Variants in ZBTB1 observed in about 807,000 individuals in gnomAD.
The protein encoded by ZBTB1 is zinc finger and BTB domain containing 1.
A neutral mutation model predicts 51.6 loss-of-function variants in ZBTB1; 13 were observed. That is an observed-to-expected ratio of 0.25 (90% CI 0.16 to 0.40). The LOEUF (loss-of-function observed/expected upper bound fraction) is 0.40, where lower values mean the gene tolerates loss of function less well. Among genes scored for constraint, ZBTB1 ranks in the 10% least tolerant of loss-of-function variants. The probability of loss-of-function intolerance (pLI) is 1.00; values close to 1 mark genes in which losing one functional copy is unlikely to be tolerated. For missense variants in ZBTB1, 567 were observed against 856.5 expected (o/e 0.66, Z 4.22); for synonymous variants, 240 against 282.2 (o/e 0.85, Z 1.50).
At position 64,504,963 on chromosome 14, in the gene ZBTB1, T is replaced by G; in HGVS notation, c.-19+17T>G. On this transcript the variant is annotated intron_variant, in intron 1 of 1. Transcript: ENST00000683701. ...TTGCGGCCGGTAAGTATTTGCCAGT[T>G]GTGGGGCTATTTGCGCAACTTTGGC... 1 of 394,748 alleles carries G rather than the reference T, an allele frequency of 2.5e-6. No individual in the cohort carries two copies. 24.5% of individuals were successfully genotyped at this position (394,748 alleles called of 1,614,324 possible). A position where few individuals can be genotyped will look rare whatever the true frequency, so the allele number is the denominator to read the frequency against.
chr14:64,506,542 A>AAACAAC (rs369840249), intron 1 of ZBTB1, among the ~76,000 whole-genome samples: 3 of 152,186 alleles, frequency 2.0e-5, no homozygotes, highest in African/African-American at 7.2e-5. Context: ...TCAAAAAAAC[A>AAACAAC]AACAACAACA....
downstream of ZBTB1, among the ~76,000 whole-genome samples, chr14:64,527,087 T>C (rs1159449924): frequency 6.6e-6 from 1 of 151,120 alleles, no homozygotes; most frequent in Non-Finnish European, 1.5e-5. Context: ...AAATGGTATA[T>C]GGCAAACTAA....
At chr14:64,527,010 C>T (rs1055507366), downstream of ZBTB1, among the ~76,000 whole-genome samples, 2 of 152,084 alleles carry the variant, frequency 1.3e-5, no homozygotes, top group Non-Finnish European at 2.9e-5. Flanking sequence ...CATGCCATTA[C>T]ACTCCAGCCT....
Position 64,523,080 on chromosome 14 carries a change from T to C in ZBTB1, c.1576T>C (p.Leu526=). 1 of 1,614,176 alleles carries C rather than the reference T, an allele frequency of 6.2e-7. No individual in the cohort carries two copies. Among genetic ancestry groups the C allele is most frequent in the Non-Finnish European group, 8.5e-7 (1 of 1,180,020 alleles). ...GATAAACAGTATCCAAAAAAAGCAG[T>C]TATTTAAACATTCTGCCTGCCCTTT... ...YQINSIQKKQ[L]FKHSACPFRC... Residue 526 remains leucine, a synonymous_variant, in exon 2 of 2, where the codon TTA becomes CTA. Transcript: ENST00000683701. The surrounding 1 kb of genome is among the most constrained non-coding windows in gnomAD (Gnocchi z 4.5).
intron 1 of ZBTB1, 161 bp downstream of exon 1, chr14:64,505,107 C>T (rs932056699): frequency 5.7e-6 from 2 of 350,048 alleles, no homozygotes; most frequent in Admixed American, 9.5e-5. Flanking sequence ...CGGGCGGCTG[C>T]CAGGCCGCCT....
exon 3 of ZBTB1, chr14:64,532,624 A>T (rs1481267590): frequency 1.3e-5 from 2 of 152,164 alleles, no homozygotes; most frequent in Non-Finnish European, 2.9e-5. Context: ...TCCACAAATC[A>T]GACACATTAT....
chr14:64,514,252 C>A (rs932163148), intron 1 of ZBTB1: 1 of 152,192 alleles, frequency 6.6e-6, no homozygotes, highest in Non-Finnish European at 1.5e-5. Flanking sequence ...ATACATAAAT[C>A]TTCCTTGAGA....
intron 1 of ZBTB1, among the ~76,000 whole-genome samples, chr14:64,508,291 A>C (rs978386725): frequency 1.3e-5 from 2 of 152,184 alleles, no homozygotes; most frequent in African/African-American, 4.8e-5. Flanking sequence ...TCTATATGAG[A>C]TGCATGCAGT....
At chr14:64,525,995 T>C (rs1362536914), downstream of ZBTB1, among the ~76,000 whole-genome samples, 2 of 152,082 alleles carry the variant, frequency 1.3e-5, no homozygotes, top group Non-Finnish European at 2.9e-5. Flanking sequence ...AATTTTTGTA[T>C]TTTTAGTGGA....
rs930879293 is a variant in ZBTB1, at chr14:64,504,923, C to T, written c.-42C>T. 3.3e-5 allele frequency: 13 copies of T among 395,858 alleles called. No individual in the cohort carries two copies. The highest frequency in any genetic ancestry group is 1.3e-4 in the South Asian group (1 of 7,844). 24.5% of individuals were successfully genotyped at this position (395,858 alleles called of 1,614,324 possible). ...TGCCTTAAACTCCCTAAAATCTCCGCAGCTCTGGTTCCTGTTGCGGCCGGT... is the reference window on the plus strand; with the variant it reads ...TGCCTTAAACTCCCTAAAATCTCCGTAGCTCTGGTTCCTGTTGCGGCCGGT... On this transcript the variant is annotated 5_prime_UTR_variant, in exon 1 of 2. Coordinates refer to ENST00000683701, the MANE Select transcript of ZBTB1 (RefSeq NM_001123329.2).
At chr14:64,519,025 T>C (rs1055400248) in intron 1 of ZBTB1, among the ~76,000 whole-genome samples, 7 of 149,950 alleles carry the variant, frequency 4.7e-5, no homozygotes, top group Non-Finnish European at 7.4e-5. Context: ...ACTATGTACA[T>C]GTGCATCTCA....
chr14:64,531,923 G>T (rs371025610), exon 3 of ZBTB1: 944 of 1,612,954 alleles, frequency 5.9e-4, no homozygotes, highest in Non-Finnish European at 7.8e-4. Context: ...AGAGGACATG[G>T]GGAAGAATCA....
At chr14:64,518,664 G>A (rs1461413323) in intron 1 of ZBTB1, 1 of 152,004 alleles carries the variant, frequency 6.6e-6, no homozygotes, top group Non-Finnish European at 1.5e-5. Flanking sequence ...TTTAAGTTCA[G>A]TCAAATTGCA....
At position 64,522,400 on chromosome 14, in the gene ZBTB1, C is replaced by T; in HGVS notation, c.896C>T (p.Thr299Ile). ...GCTGCTGATGATTCAGCTTCAACCA[C>T]TGGAAGCAGAAAAAGTAGCACAGTG... ...SQAADDSAST[T>I]GSRKSSTVES... The change falls in exon 2 of 2, where the codon ACT becomes ATT. Residue 299 changes from threonine to isoleucine, a missense_variant. Around this residue, in one of 5 missense-constraint regions of ZBTB1, gnomAD observed 329 missense variants for 406.3 expected, o/e 0.81. Coordinates refer to ENST00000683701, the MANE Select transcript of ZBTB1 (RefSeq NM_001123329.2). The T allele has an allele frequency of 6.2e-7, 1 of 1,614,070 alleles. No homozygotes were observed. Among genetic ancestry groups the T allele is most frequent in the East Asian group, 2.2e-5 (1 of 44,888 alleles).
chr14:64,518,904 G>GTATATATATA (rs71123855), intron 1 of ZBTB1, among the ~76,000 whole-genome samples: 1,265 of 95,014 alleles, frequency 0.013, 51 homozygotes, highest in East Asian at 0.039. Context: ...TTGCAGAGAG[G>GTATATATATA]TATATATATA....
intron 1 of ZBTB1, among the ~76,000 whole-genome samples, chr14:64,517,608 T>C (rs1005674563): frequency 2.0e-5 from 3 of 151,602 alleles, no homozygotes; most frequent in Non-Finnish European, 4.4e-5. Flanking sequence ...TTTTTGTGTA[T>C]TTTTTTCATC....
chr14:64,530,182 G>A (rs1385826546), intron 2 of ZBTB1, among the ~76,000 whole-genome samples: 6 of 152,098 alleles, frequency 3.9e-5, no homozygotes, highest in Admixed American at 2.6e-4. Flanking sequence ...TCTGGCTACC[G>A]TCTGCCAAAT....
At chr14:64,515,245 C>T (rs1165544522) in intron 1 of ZBTB1, among the ~76,000 whole-genome samples, 2 of 152,142 alleles carry the variant, frequency 1.3e-5, no homozygotes, top group African/African-American at 2.4e-5. Flanking sequence ...TGCTCTCAGA[C>T]CTGAGCCCTT....
chr14:64,522,415 G>A lies in ZBTB1; in HGVS notation c.911G>A (p.Ser304Asn). 6.2e-7 allele frequency: 1 copy of A among 1,614,132 alleles called. No homozygotes were observed. Among genetic ancestry groups the A allele is most frequent in the Non-Finnish European group, 8.5e-7 (1 of 1,180,030 alleles). ...DSASTTGSRKSSTVESEIASE... is the reference protein window; with the variant it reads ...DSASTTGSRKNSTVESEIASE... ...GCTTCAACCACTGGAAGCAGAAAAA[G>A]TAGCACAGTGGAGTCTGAAATAGCA... Residue 304 changes from serine to asparagine, a missense_variant, in exon 2 of 2, where the codon AGT (serine) becomes AAT (asparagine). Ser to Asn is a conservative substitution (Grantham distance 46). Transcript: ENST00000683701.
Sources: allele counts gnomAD v4.1 joint callset (sites outside exome capture counted in the v4.1 genomes callset), GRCh38; gene constraint gnomAD v4.1.1; regional missense constraint gnomAD v4.1.1; non-coding constraint Gnocchi (gnomAD v3.1); transcripts MANE v1.5; gene names NCBI Gene and HGNC (gene_info 2026-07-23, HGNC 2026-07-21).